Variants in IQCM observed in about 807,000 individuals in gnomAD.
IQCM encodes the protein IQ motif containing M.
In IQCM, 45 loss-of-function variants were observed where a neutral mutation model predicts 57.6. The ratio of observed to expected loss-of-function variants is 0.78; its 90% CI spans 0.62 to 1.00. The LOEUF (loss-of-function observed/expected upper bound fraction) is 1.00, where lower values mean the gene tolerates loss of function less well. Ranked by LOEUF, IQCM falls within the 50% of genes least tolerant of loss-of-function variation. The pLI is 0.00. For synonymous variants in IQCM, 148 were observed against 158.9 expected (o/e 0.93, Z 0.51); for missense variants, 468 against 511.6 (o/e 0.91, Z 0.82).
chr4:149,780,582 A>G (rs1449483743), intron 2 of IQCM, among the ~76,000 whole-genome samples: 1 of 151,914 alleles, frequency 6.6e-6, no homozygotes, highest in Non-Finnish European at 1.5e-5. Context: ...AAACCCTTAA[A>G]TAGAGCTACC....
At chr4:149,646,245 T>A (rs7686111) in intron 7 of IQCM, among the ~76,000 whole-genome samples, 1 of 152,070 alleles carries the variant, frequency 6.6e-6, no homozygotes, top group Non-Finnish European at 1.5e-5. Flanking sequence ...ACTCTATTGT[T>A]TATGTCTCTT....
chr4:149,440,209 C>CTG (rs1474798670), intron 12 of IQCM, among the ~76,000 whole-genome samples: 1 of 141,292 alleles, frequency 7.1e-6, no homozygotes, highest in Non-Finnish European at 1.5e-5. Flanking sequence ...CTCAGGTGAT[C>CTG]TGCCGCCTTG....
At chr4:149,429,014 T>C (rs899370466) in intron 13 of IQCM, among the ~76,000 whole-genome samples, 1 of 151,894 alleles carries the variant, frequency 6.6e-6, no homozygotes, top group African/African-American at 2.4e-5. Flanking sequence ...GAAAGTAATT[T>C]GATCATTCAT....
chr4:149,411,052 G>A (rs758424021), intron 13 of IQCM, among the ~76,000 whole-genome samples: 1 of 151,968 alleles, frequency 6.6e-6, no homozygotes, highest in Non-Finnish European at 1.5e-5. Flanking sequence ...CCATTGATAT[G>A]GGCATCCTGT....
At position 149,597,202 on chromosome 4, in the gene IQCM, A is replaced by T. The variant is rs531338313; in HGVS notation, c.682-9205T>A. Among the ~76,000 whole-genome samples the T allele has an allele frequency of 7.9e-5, 12 of 152,298 alleles. No homozygotes were observed. The East Asian group carries it at 1.4e-3, about 17-fold the overall frequency. ...TCAGTGAATAACAAAAGAAAATAAT[A>T]GACACAGATAAAAAGAGAACTGATA... On this transcript the variant is annotated intron_variant, in intron 8 of 13. Coordinates refer to ENST00000636793, the MANE Select transcript of IQCM (RefSeq NM_001363507.2).
At chr4:149,617,364 T>C (rs538850242) in intron 8 of IQCM, among the ~76,000 whole-genome samples, 1 of 152,314 alleles carries the variant, frequency 6.6e-6, no homozygotes, top group African/African-American at 2.4e-5. Context: ...GGGGAATCCT[T>C]ACTAAAACAT....
intron 12 of IQCM, among the ~76,000 whole-genome samples, chr4:149,544,886 A>C (rs1748229494): frequency 6.6e-6 from 1 of 152,228 alleles, no homozygotes; most frequent in Admixed American, 6.5e-5. Flanking sequence ...CCATATTTAA[A>C]AATTAACTTG....
chr4:149,790,993 A>G (rs1039766314), intron 2 of IQCM, among the ~76,000 whole-genome samples: 1 of 152,168 alleles, frequency 6.6e-6, no homozygotes, highest in African/African-American at 2.4e-5. Flanking sequence ...TCTAAGAAAG[A>G]AAAGAACTCT....
At chr4:149,565,350 T>C (rs1271957430) in intron 9 of IQCM, among the ~76,000 whole-genome samples, 1 of 152,194 alleles carries the variant, frequency 6.6e-6, no homozygotes, top group Non-Finnish European at 1.5e-5. Flanking sequence ...TTTTATTCTC[T>C]TGGTAACTGA....
At chr4:149,439,620 C>G (rs1735707736) in intron 12 of IQCM, among the ~76,000 whole-genome samples, 4 of 151,892 alleles carry the variant, frequency 2.6e-5, no homozygotes. Flanking sequence ...AACATTATCT[C>G]AAATTATTAA....
Position 149,804,600 on chromosome 4 carries a change from C to T in IQCM, c.-49+10711G>A, listed in dbSNP as rs553453561. Among the ~76,000 whole-genome samples, 9 of 152,132 alleles carry T rather than the reference C, an allele frequency of 5.9e-5. 1 individual carries two copies. In the East Asian group the frequency reaches 1.7e-3, roughly 29 times the overall value. On this transcript the variant is annotated intron_variant, in intron 2 of 13. Transcript: ENST00000636793. Reference sequence around the variant, plus strand: ...TTGACTTCCAAGCTGACATGTCAGACCAGAAACTGGAAGTTTTGCCTATTT... The same window carrying T: ...TTGACTTCCAAGCTGACATGTCAGATCAGAAACTGGAAGTTTTGCCTATTT...
intron 13 of IQCM, among the ~76,000 whole-genome samples, chr4:149,427,212 A>C (rs1734522866): frequency 6.6e-6 from 1 of 151,988 alleles, no homozygotes; most frequent in African/African-American, 2.4e-5. Flanking sequence ...TAGAATGTGA[A>C]CATTTCTATG....
At chr4:149,799,162 GA>G (rs1429814963) in intron 2 of IQCM, among the ~76,000 whole-genome samples, 2 of 150,502 alleles carry the variant, frequency 1.3e-5, no homozygotes, top group African/African-American at 4.9e-5. Context: ...ATCCACAATG[GA>G]AAAAAACTAG....
At chr4:149,356,464 GC>G (rs1553953887) in intron 13 of IQCM, among the ~76,000 whole-genome samples, 3 of 151,706 alleles carry the variant, frequency 2.0e-5, no homozygotes, top group Non-Finnish European at 4.4e-5. Flanking sequence ...TCTACATATG[GC>G]TAGCCAGTTT....
intron 12 of IQCM, among the ~76,000 whole-genome samples, chr4:149,538,487 C>T (rs1047465063): frequency 2.6e-5 from 4 of 151,682 alleles, no homozygotes; most frequent in Non-Finnish European, 5.9e-5. Flanking sequence ...ACAAAGGAGA[C>T]GTGAATCATA....
rs2654796 is a variant in IQCM at position 149,567,936 on chromosome 4, C to T, written c.750-4046G>A. On this transcript the variant is annotated intron_variant, in intron 9 of 13. Coordinates refer to ENST00000636793, the MANE Select transcript of IQCM (RefSeq NM_001363507.2). ...GCTTGCCAGCTCCGAATTCAAAATTCTTAGACATTCAGCTGTTTTAAATAT... is the reference window on the plus strand; with the variant it reads ...GCTTGCCAGCTCCGAATTCAAAATTTTTAGACATTCAGCTGTTTTAAATAT... Among the ~76,000 whole-genome samples the T allele has an allele frequency of 2.0e-5, 3 of 152,120 alleles. No individual in the cohort carries two copies. The South Asian group carries it at 6.2e-4, about 32-fold the overall frequency.
chr4:149,559,492 C>T (rs1360148002), intron 10 of IQCM, among the ~76,000 whole-genome samples: 1 of 152,082 alleles, frequency 6.6e-6, no homozygotes, highest in Non-Finnish European at 1.5e-5. Context: ...AAAATAAAGC[C>T]TCACCCTCCA....
intron 2 of IQCM, among the ~76,000 whole-genome samples, chr4:149,749,234 A>C (rs1375797490): frequency 6.6e-6 from 1 of 152,206 alleles, no homozygotes; most frequent in Non-Finnish European, 1.5e-5. Context: ...TGTATACCAA[A>C]AGGCACATAT....
At chr4:149,782,924 T>A (rs1771743103) in intron 2 of IQCM, among the ~76,000 whole-genome samples, 1 of 152,202 alleles carries the variant, frequency 6.6e-6, no homozygotes, top group South Asian at 2.1e-4. Context: ...TTCCTTGCTG[T>A]TTCCTCTTCA....
Sources: gnomAD v4.1 joint callset for allele counts (sites outside exome capture counted in the v4.1 genomes callset) on GRCh38, gnomAD v4.1.1 for gene constraint, MANE v1.5 for transcripts, NCBI Gene and HGNC (gene_info 2026-07-23, HGNC 2026-07-21) for gene names.